Variants in SGCZ observed in about 807,000 individuals in gnomAD.
SGCZ encodes the protein zeta-sarcoglycan.
SGCZ carries 40 observed loss-of-function variants against 41.3 expected under a neutral mutation model. That is an observed-to-expected ratio of 0.97 (90% confidence interval 0.75 to 1.26). The LOEUF is 1.26. Ranked by LOEUF, SGCZ falls within the 50% of genes most tolerant of loss-of-function variation. SGCZ has a pLI of 0.00. For synonymous variants in SGCZ, 206 were observed against 137.5 expected (o/e 1.50, Z -3.49); for missense variants, 552 against 369.8 (o/e 1.49, Z -4.04).
At chr8:14,878,996 G>A (rs544738688) in intron 1 of SGCZ, 1 of 152,104 alleles carries the variant, frequency 6.6e-6, no homozygotes, top group African/African-American at 2.4e-5. Flanking sequence ...TTGTAATCAA[G>A]AAGTTACAGT....
At chr8:14,588,760 T>A (rs148331390) in intron 1 of SGCZ, among the ~76,000 whole-genome samples, 2 of 152,288 alleles carry the variant, frequency 1.3e-5, no homozygotes, top group African/African-American at 2.4e-5. Flanking sequence ...TGTAGTCTAA[T>A]AGATTGATAA....
intron 2 of SGCZ, among the ~76,000 whole-genome samples, chr8:14,440,717 GTATACACGTATATGTATATATGTAT>G (rs1800228897): frequency 1.9e-5 from 1 of 52,514 alleles, no homozygotes; most frequent in African/African-American, 7.1e-5. Flanking sequence ...ATATACATAC[GTATACACGTATATGTATATATGTAT>G]ATACATACGT....
At chr8:14,722,410 A>G in intron 1 of SGCZ, among the ~76,000 whole-genome samples, 1 of 152,220 alleles carries the variant, frequency 6.6e-6, no homozygotes, top group East Asian at 1.9e-4. Context: ...TCAGAAATTG[A>G]ATAAAATTTT....
chr8:14,356,672 A>G (rs1585401156), intron 2 of SGCZ, among the ~76,000 whole-genome samples: 1 of 152,202 alleles, frequency 6.6e-6, no homozygotes, highest in East Asian at 1.9e-4. Context: ...AACTCAAGGC[A>G]TAATTTTGAA....
At chr8:14,449,715 T>G (rs1342142813) in intron 2 of SGCZ, among the ~76,000 whole-genome samples, 2 of 152,164 alleles carry the variant, frequency 1.3e-5, no homozygotes, top group Non-Finnish European at 2.9e-5. Context: ...AGTAAATTTT[T>G]GTCTTCCATT....
At position 14,089,654 on chromosome 8, in the gene SGCZ, G is replaced by A. The variant is rs1333406667; in HGVS notation, c.*789C>T. On this transcript the variant is annotated 3_prime_UTR_variant, in exon 8 of 8. Coordinates refer to ENST00000382080, the MANE Select transcript of SGCZ (RefSeq NM_139167.4). ...TGTCTTATATTGCAATAGAGTAGAT[G>A]TTTTGTTAAAAGCAAATACGTCACA... 6.6e-6 allele frequency among the ~76,000 whole-genome samples: 1 copy of A among 151,984 alleles called. No homozygotes were observed. Among genetic ancestry groups the A allele is most frequent in the East Asian group, 1.9e-4 (1 of 5,154 alleles).
intron 3 of SGCZ, among the ~76,000 whole-genome samples, chr8:14,306,330 T>C (rs1012862622): frequency 3.9e-5 from 6 of 152,214 alleles, no homozygotes; most frequent in Non-Finnish European, 7.3e-5. Flanking sequence ...TATGTAGCTG[T>C]CCATAATACT....
chr8:14,784,701 CCTGA>C (rs1162450881), intron 1 of SGCZ, among the ~76,000 whole-genome samples: 5 of 151,112 alleles, frequency 3.3e-5, no homozygotes, highest in Non-Finnish European at 7.4e-5. Context: ...TCAAGACCAG[CCTGA>C]CTAACGTGGA....
intron 1 of SGCZ, among the ~76,000 whole-genome samples, chr8:14,879,595 G>GACAC (rs33933535): frequency 0.044 from 6,494 of 147,038 alleles, 173 homozygotes; most frequent in South Asian, 0.082. Context: ...CAGACACACA[G>GACAC]ACACACACAC....
chr8:14,569,929 T>C (rs1047266100), intron 1 of SGCZ, among the ~76,000 whole-genome samples: 1 of 145,746 alleles, frequency 6.9e-6, no homozygotes, highest in Non-Finnish European at 1.5e-5. Flanking sequence ...AGGACCAGAA[T>C]CTCATGGGGC....
chr8:15,058,055 A>C (rs1206325396), intron 1 of SGCZ, among the ~76,000 whole-genome samples: 1 of 152,226 alleles, frequency 6.6e-6, no homozygotes, highest in Admixed American at 6.5e-5. Context: ...TAAAACAAGG[A>C]AATTGAATAG....
intron 1 of SGCZ, among the ~76,000 whole-genome samples, chr8:15,023,770 AAG>A (rs1202319342): frequency 6.6e-6 from 1 of 152,186 alleles, no homozygotes; most frequent in Non-Finnish European, 1.5e-5. Context: ...GTAGACAAAA[AAG>A]GTTATGTGAG....
intron 1 of SGCZ, chr8:14,690,345 T>C (rs2117568235): frequency 6.6e-6 from 1 of 152,216 alleles, no homozygotes; most frequent in African/African-American, 2.4e-5. Context: ...GCCTCCTGTG[T>C]GGGCTTGCTA....
chr8:14,304,066 T>C (rs1801276924), intron 3 of SGCZ, among the ~76,000 whole-genome samples: 1 of 152,098 alleles, frequency 6.6e-6, no homozygotes, highest in African/African-American at 2.4e-5. Flanking sequence ...TGCTATTTTT[T>C]AATAATGGCT....
At position 14,885,984 on chromosome 8, in the gene SGCZ, GTTATATAT is replaced by G. The variant is rs1465998986; in HGVS notation, c.40-331066_40-331059del. Among the ~76,000 whole-genome samples the G allele has an allele frequency of 1.2e-3, 72 of 58,396 alleles. 1 individual carries two copies. The highest frequency in any genetic ancestry group is 4.6e-3 in the African/African-American group (70 of 15,070). 38.3% of individuals were successfully genotyped at this position (58,396 alleles called of 152,430 possible). A position where few individuals can be genotyped will look rare whatever the true frequency, so the allele number is the denominator to read the frequency against. On this transcript the variant is annotated intron_variant, in intron 1 of 7. Coordinates refer to ENST00000382080, the MANE Select transcript of SGCZ (RefSeq NM_139167.4). ...CTTTTTTAATCATAAAGGACTTTAT[GTTATATAT>G]ATATATATATATATATATATATATA... is the stretch of plus-strand genomic sequence containing the variant.
intron 1 of SGCZ, among the ~76,000 whole-genome samples, chr8:15,031,862 C>G (rs531515724): frequency 6.6e-6 from 1 of 151,540 alleles, no homozygotes; most frequent in Admixed American, 6.6e-5. Flanking sequence ...TTTTCAATAA[C>G]TCTAACTCTA....
At chr8:14,578,705 A>G (rs1344384741) in intron 1 of SGCZ, among the ~76,000 whole-genome samples, 1 of 152,210 alleles carries the variant, frequency 6.6e-6, no homozygotes, top group East Asian at 1.9e-4. Flanking sequence ...AATTTCAACA[A>G]ATTTCTTCAA....
intron 1 of SGCZ, among the ~76,000 whole-genome samples, chr8:14,915,321 T>C (rs866783520): frequency 6.6e-6 from 1 of 152,138 alleles, no homozygotes; most frequent in African/African-American, 2.4e-5. Flanking sequence ...CCTAGTCATA[T>C]TGATATAGGA....
At chr8:14,897,900 C>T (rs9643990) in intron 1 of SGCZ, among the ~76,000 whole-genome samples, 1 of 151,974 alleles carries the variant, frequency 6.6e-6, no homozygotes, top group Non-Finnish European at 1.5e-5. Flanking sequence ...ATGTAGAAGG[C>T]ACTATCCAGG....
Sources: allele counts gnomAD v4.1 joint callset (sites outside exome capture counted in the v4.1 genomes callset), GRCh38; gene constraint gnomAD v4.1.1; transcripts MANE v1.5; gene names NCBI Gene and HGNC (gene_info 2026-07-23, HGNC 2026-07-21).